Variants in CIMAP1C observed in about 807,000 individuals in gnomAD.
The protein encoded by CIMAP1C is ciliary microtubule associated protein 1C.
At chr15:75,725,588 G>A in the CIMAP1C span, among the ~76,000 whole-genome samples, 1 of 152,230 alleles carries the variant, frequency 6.6e-6, no homozygotes, top group Non-Finnish European at 1.5e-5. Flanking sequence ...AGCTCCTCAG[G>A]TGGCCTAGAA....
At chr15:75,727,328 G>A in the CIMAP1C span, 34 of 1,614,058 alleles carry the variant, frequency 2.1e-5, no homozygotes, top group African/African-American at 4.0e-5. Flanking sequence ...TACCACGTAC[G>A]CCCGACCTGA....
chr15:75,726,197 TG>T, the CIMAP1C span: 6 of 784,230 alleles, frequency 7.7e-6, no homozygotes, highest in East Asian at 3.8e-5. Context: ...GGACAGATGT[TG>T]GGGGTTGGGA....
chr15:75,725,975 G>A, the CIMAP1C span: 1 of 798,788 alleles, frequency 1.3e-6, no homozygotes, highest in Non-Finnish European at 2.1e-6. Context: ...GAAGTGGGAG[G>A]GAGATCTTGC....
the CIMAP1C span, chr15:75,727,678 A>G: frequency 1.1e-6 from 1 of 875,022 alleles, no homozygotes; most frequent in South Asian, 1.7e-5. Flanking sequence ...TTAGAGATAC[A>G]TTTTCATGTA....
the CIMAP1C span, among the ~76,000 whole-genome samples, chr15:75,724,483 G>C: frequency 2.0e-5 from 3 of 152,244 alleles, no homozygotes; most frequent in Non-Finnish European, 4.4e-5. Flanking sequence ...TTGTCCAAGT[G>C]GGTGGGGGAG....
chr15:75,727,308 G>T, the CIMAP1C span: 1 of 1,614,136 alleles, frequency 6.2e-7, no homozygotes, highest in Non-Finnish European at 8.5e-7. Context: ...GTGGCAGGAG[G>T]CCCTGGACCT....
the CIMAP1C span, chr15:75,727,577 G>C: frequency 2.5e-5 from 38 of 1,516,506 alleles, no homozygotes; most frequent in Non-Finnish European, 3.3e-5. Context: ...CTCATCCCCA[G>C]AAATTATTTT....
chr15:75,725,892 G>T, the CIMAP1C span, among the ~76,000 whole-genome samples: 1 of 152,208 alleles, frequency 6.6e-6, no homozygotes, highest in African/African-American at 2.4e-5. Context: ...AAAATACCAG[G>T]TCATGTGTTA....
At chr15:75,724,381 G>A in the CIMAP1C span, 2 of 1,135,008 alleles carry the variant, frequency 1.8e-6, no homozygotes, top group African/African-American at 1.5e-5. Context: ...CTTCCAGCCT[G>A]CCTCCTGCAA....
At chr15:75,726,169 T>A in the CIMAP1C span, 2 of 1,570,342 alleles carry the variant, frequency 1.3e-6, no homozygotes, top group African/African-American at 2.8e-5. Context: ...ATCTCCAACC[T>A]GCGTAAGATG....
chr15:75,725,375 A>C, the CIMAP1C span, among the ~76,000 whole-genome samples: 1 of 152,204 alleles, frequency 6.6e-6, no homozygotes, highest in Non-Finnish European at 1.5e-5. Flanking sequence ...AGGGTGGGGC[A>C]ACTCCATGGG....
chr15:75,726,072 A>G, the CIMAP1C span: 1 of 1,613,490 alleles, frequency 6.2e-7, no homozygotes, highest in South Asian at 1.1e-5. Flanking sequence ...GGTGTGCCAC[A>G]GCAGCCCTGG....
At chr15:75,725,245 G>A in the CIMAP1C span, 1 of 1,484,068 alleles carries the variant, frequency 6.7e-7, no homozygotes, top group African/African-American at 1.4e-5. Context: ...CAGTCATCCG[G>A]CTGGGGTTGG....
chr15:75,727,310 C>T, the CIMAP1C span: 7 of 1,614,106 alleles, frequency 4.3e-6, no homozygotes, highest in Non-Finnish European at 4.2e-6. Flanking sequence ...GGCAGGAGGC[C>T]CTGGACCTAC....
chr15:75,724,450 ACAGG>A, the CIMAP1C span: 1 of 686,134 alleles, frequency 1.5e-6, no homozygotes, highest in Non-Finnish European at 2.6e-6. Context: ...GCTGACCCTC[ACAGG>A]CAGTGTTGGC....
the CIMAP1C span, chr15:75,727,391 G>C: frequency 6.8e-6 from 11 of 1,613,844 alleles, no homozygotes; most frequent in Admixed American, 1.7e-5. Context: ...CAAGCGCTTC[G>C]CCTACCCTCT....
At chr15:75,726,956 C>G in the CIMAP1C span, 1 of 1,457,986 alleles carries the variant, frequency 6.9e-7, no homozygotes, top group Non-Finnish European at 9.3e-7. Flanking sequence ...CTGAGGTGGT[C>G]AGCCTGAGGT....
At chr15:75,725,188 T>C in the CIMAP1C span, 44 of 1,613,768 alleles carry the variant, frequency 2.7e-5, no homozygotes, top group Admixed American at 1.0e-4. Flanking sequence ...GGCACCAGCT[T>C]ATACCCTGCA....
chr15:75,726,299 T>C, the CIMAP1C span: 1 of 634,874 alleles, frequency 1.6e-6, no homozygotes, highest in Middle Eastern at 4.2e-4. Flanking sequence ...GGTATCTCCC[T>C]GCAAGACACC....
Sources: gnomAD v4.1 joint callset for allele counts (sites outside exome capture counted in the v4.1 genomes callset) on GRCh38, gnomAD v4.1.1 for gene constraint, MANE v1.5 for transcripts, NCBI Gene and HGNC (gene_info 2026-07-23, HGNC 2026-07-21) for gene names.